The following LARGE1 variants were observed in gnomAD, a reference collection of about 807,000 sequenced individuals.
The protein encoded by LARGE1 is LARGE xylosyl- and glucuronyltransferase 1, also known as xylosyl- and glucuronyltransferase LARGE1.
A neutral mutation model predicts 87.6 loss-of-function variants in LARGE1; 43 were observed. The observed-to-expected ratio is 0.49, with a 90% CI of 0.38 to 0.63. The LOEUF (loss-of-function observed/expected upper bound fraction) is 0.63. LARGE1 is among the 30% of genes least tolerant of loss of function. The pLI is 0.00. For synonymous variants in LARGE1, 434 were observed against 394.6 expected (o/e 1.10, Z -1.18); for missense variants, 802 against 1,000.2 (o/e 0.80, Z 2.67).
chr22:33,851,569 G>A (rs554072397), intron 1 of LARGE1, among the ~76,000 whole-genome samples: 29 of 152,260 alleles, frequency 1.9e-4, no homozygotes, highest in African/African-American at 4.6e-4. Flanking sequence ...CTATGCCACC[G>A]GCTCCAGTTA....
chr22:33,859,315 A>G (rs2063846442), intron 1 of LARGE1, among the ~76,000 whole-genome samples: 1 of 152,212 alleles, frequency 6.6e-6, no homozygotes, highest in South Asian at 2.1e-4. Flanking sequence ...AGTCATTTTT[A>G]AAATATGGAA....
chr22:33,459,427 C>T (rs1452009419), intron 6 of LARGE1, among the ~76,000 whole-genome samples: 2 of 148,860 alleles, frequency 1.3e-5, no homozygotes, highest in African/African-American at 2.5e-5. Context: ...AAACAAAGCT[C>T]GCTCGCTCTC....
chr22:33,495,972 T>G (rs2070096618), intron 6 of LARGE1, among the ~76,000 whole-genome samples: 1 of 152,074 alleles, frequency 6.6e-6, no homozygotes, highest in South Asian at 2.1e-4. Context: ...GGATAGATGC[T>G]TCTATAAAGG....
intron 6 of LARGE1, among the ~76,000 whole-genome samples, chr22:33,487,122 A>G (rs1048122275): frequency 7.2e-5 from 11 of 152,200 alleles, no homozygotes; most frequent in African/African-American, 2.7e-4. Context: ...AAACCCCTTA[A>G]GAAGGAATGT....
intron 1 of LARGE1, among the ~76,000 whole-genome samples, chr22:33,777,987 G>T (rs1216500177): frequency 6.6e-6 from 1 of 152,200 alleles, no homozygotes; most frequent in Admixed American, 6.5e-5. Flanking sequence ...TCATGCTTTA[G>T]AGCAACATCT....
chr22:33,116,390 A>C, the LARGE1 span: 2 of 152,128 alleles, frequency 1.3e-5, no homozygotes, highest in Non-Finnish European at 2.9e-5. Context: ...AGTTTTGCTC[A>C]GTCGCCCAGG....
At chr22:33,464,689 A>T (rs2068516503) in intron 6 of LARGE1, among the ~76,000 whole-genome samples, 1 of 152,224 alleles carries the variant, frequency 6.6e-6, no homozygotes, top group Admixed American at 6.5e-5. Context: ...AGATCGTAAA[A>T]TGTGAAACAA....
chr22:33,511,292 C>T lies in LARGE1; in HGVS notation c.787+53556G>A, dbSNP rs371072429. ...GGTGGGGTAATCTGGAAGCTTAATACCCCATGTGGTAATATTTATTGAGTA... is the reference window on the plus strand; with the variant it reads ...GGTGGGGTAATCTGGAAGCTTAATATCCCATGTGGTAATATTTATTGAGTA... On this transcript the variant is annotated intron_variant, in intron 6 of 14. Coordinates refer to ENST00000397394, the MANE Select transcript of LARGE1 (RefSeq NM_133642.5). Among the ~76,000 whole-genome samples, 66 of 152,222 alleles carry T rather than the reference C, an allele frequency of 4.3e-4. 1 individual carries two copies. In the South Asian group the frequency reaches 0.013, roughly 31 times the overall value.
intron 1 of LARGE1, among the ~76,000 whole-genome samples, chr22:33,840,166 T>C (rs906783345): frequency 6.6e-6 from 1 of 152,178 alleles, no homozygotes; most frequent in African/African-American, 2.4e-5. Context: ...CATATTCAAT[T>C]ATAAAACTAT....
chr22:33,445,117 G>A (rs551030962), intron 6 of LARGE1, among the ~76,000 whole-genome samples: 4 of 152,186 alleles, frequency 2.6e-5, no homozygotes, highest in Non-Finnish European at 5.9e-5. Flanking sequence ...GGTGTGAGCC[G>A]CTGTGCCCCG....
intron 11 of LARGE1, among the ~76,000 whole-genome samples, chr22:33,236,867 T>C (rs1926278158): frequency 6.6e-6 from 1 of 152,174 alleles, no homozygotes; most frequent in Non-Finnish European, 1.5e-5. Context: ...GAGACTTAAG[T>C]AAGCGTCCTG....
At chr22:33,195,486 G>A (rs985425034) in intron 11 of LARGE1, among the ~76,000 whole-genome samples, 1 of 151,858 alleles carries the variant, frequency 6.6e-6, no homozygotes, top group Middle Eastern at 3.2e-3. Context: ...ATACTTATCC[G>A]ACATCAGCAG....
chr22:33,650,048 G>T (rs1186318627), intron 3 of LARGE1, among the ~76,000 whole-genome samples: 2 of 152,204 alleles, frequency 1.3e-5, no homozygotes, highest in African/African-American at 4.8e-5. Context: ...CAGGATGACA[G>T]CTAGGTGTAG....
intron 1 of LARGE1, among the ~76,000 whole-genome samples, chr22:33,770,097 C>A (rs1463270165): frequency 6.6e-6 from 1 of 152,142 alleles, no homozygotes; most frequent in East Asian, 1.9e-4. Flanking sequence ...CTTTAAAGTG[C>A]AAGTTATTCT....
At chr22:33,870,072 G>C (rs1200434503) in intron 1 of LARGE1, among the ~76,000 whole-genome samples, 2 of 152,186 alleles carry the variant, frequency 1.3e-5, no homozygotes, top group African/African-American at 4.8e-5. Context: ...ATATAATTCA[G>C]TTAAGATGAG....
chr22:33,586,775 A>C (rs1190409085), intron 5 of LARGE1, among the ~76,000 whole-genome samples: 2 of 152,186 alleles, frequency 1.3e-5, no homozygotes, highest in African/African-American at 4.8e-5. Flanking sequence ...CAAGGTTACT[A>C]TTCCCATTAT....
chr22:33,501,557 C>T (rs375371483), intron 6 of LARGE1, among the ~76,000 whole-genome samples: 2 of 152,330 alleles, frequency 1.3e-5, no homozygotes, highest in African/African-American at 4.8e-5. Flanking sequence ...CGATTCTGAT[C>T]TCAATGTGCT....
intron 2 of LARGE1, among the ~76,000 whole-genome samples, chr22:33,675,375 T>G (rs2081546527): frequency 7.5e-6 from 1 of 133,008 alleles, no homozygotes; most frequent in African/African-American, 2.9e-5. Flanking sequence ...CCTGAGAAAG[T>G]GAGATTTGAT....
At chr22:33,862,819 T>A (rs1568995648) in intron 1 of LARGE1, among the ~76,000 whole-genome samples, 1 of 152,170 alleles carries the variant, frequency 6.6e-6, no homozygotes, top group South Asian at 2.1e-4. Context: ...ATGGTCAAAA[T>A]TTTTTATCAG....
Sources: allele counts gnomAD v4.1 joint callset (sites outside exome capture counted in the v4.1 genomes callset), GRCh38; gene constraint gnomAD v4.1.1; transcripts MANE v1.5; gene names NCBI Gene and HGNC (gene_info 2026-07-23, HGNC 2026-07-21).